Variants in DHX57 observed in about 807,000 individuals in gnomAD.
DHX57 encodes the protein putative ATP-dependent RNA helicase DHX57.
A neutral mutation model predicts 156.2 loss-of-function variants in DHX57; 105 were observed. That is an observed-to-expected ratio of 0.67 (90% confidence interval 0.57 to 0.79). DHX57 has a LOEUF of 0.79. Ranked by LOEUF, DHX57 falls within the 30% of genes least tolerant of loss-of-function variation. The pLI is 0.00. For missense variants in DHX57, 1,847 were observed against 1,661.9 expected, an observed-to-expected ratio of 1.11 and a Z score of -1.94; for synonymous variants, 704 against 595.6, an observed-to-expected ratio of 1.18 and a Z score of -2.65.
At chr2:38,872,038 C>A (rs1236099358) in intron 1 of DHX57, among the ~76,000 whole-genome samples, 2 of 152,126 alleles carry the variant, frequency 1.3e-5, no homozygotes, top group South Asian at 4.1e-4. Context: ...AACTAACCCA[C>A]TCCCATGCTA....
Position 38,806,578 on chromosome 2 carries a change from G to C in DHX57, c.3797C>G (p.Pro1266Arg). ...TKNDGYVHIH[P>R]SSVNYQVRHF... ...TCTGACCTGATAGTTCACTGATGAA[G>C]GGTGAATGTGTACATATCCATCGTT... Residue 1266 changes from proline (P) to arginine (R), a missense_variant, in exon 22 of 24, where the codon CCT (proline) becomes CGT (arginine). Transcript: ENST00000457308. 6.2e-7 allele frequency: 1 copy of C among 1,614,084 alleles called. No homozygotes were observed.
chr2:38,844,043 TA>T, intron 11 of DHX57, among the ~76,000 whole-genome samples: 1 of 152,096 alleles, frequency 6.6e-6, no homozygotes, highest in Non-Finnish European at 1.5e-5. Context: ...TGTAGCTTTT[TA>T]AAAAAAAGAT....
At chr2:38,822,766 G>C (rs940604526) in intron 17 of DHX57, among the ~76,000 whole-genome samples, 2 of 152,012 alleles carry the variant, frequency 1.3e-5, no homozygotes, top group African/African-American at 4.8e-5. Flanking sequence ...TTGAGGATTG[G>C]ATGACATTGC....
At chr2:38,805,088 G>A (rs1669877688) in intron 22 of DHX57, among the ~76,000 whole-genome samples, 1 of 152,148 alleles carries the variant, frequency 6.6e-6, no homozygotes, top group South Asian at 2.1e-4. Flanking sequence ...ATACATGAAC[G>A]ATTTGGATTC....
Position 38,802,882 on chromosome 2 carries a change from G to C in DHX57, c.3850C>G (p.His1284Asp). ...ACTCGACTAGTTTTTATCTTCTCGT[G>C]GTACAACAGGTAGGGGCTGTCAAAG... Reference protein sequence around the residue: ...RHFDSPYLLYHEKIKTSRVFI... With the variant: ...RHFDSPYLLYDEKIKTSRVFI... Residue 1284 changes from histidine (H) to aspartate (D), a missense_variant, in exon 23 of 24, where the codon CAC (histidine) becomes GAC (aspartate). Coordinates refer to ENST00000457308, the MANE Select transcript of DHX57 (RefSeq NM_198963.3). 3 of 1,614,016 alleles carry C rather than the reference G, an allele frequency of 1.9e-6. No homozygotes were observed. Among genetic ancestry groups the C allele is most frequent in the Non-Finnish European group, 2.5e-6 (3 of 1,180,004 alleles).
Position 38,826,704 on chromosome 2 carries a change from A to G in DHX57, c.2640-15T>C. On this transcript the variant is annotated splice_polypyrimidine_tract_variant and intron_variant, in intron 14 of 23. Transcript: ENST00000457308. ...GAATAACACATCTGGAAGGAAATAA[A>G]AGCACATGAAGTATTCTAGCACCTA... is the stretch of plus-strand genomic sequence containing the variant. The G allele has an allele frequency of 6.2e-7, 1 of 1,612,470 alleles. No homozygotes were observed. Among genetic ancestry groups the G allele is most frequent in the African/African-American group, 1.3e-5 (1 of 74,992 alleles).
intron 8 of DHX57, 136 bp from the exon 9 acceptor site, chr2:38,854,314 T>G (rs1672766871): frequency 2.5e-6 from 2 of 799,246 alleles, no homozygotes; most frequent in African/African-American, 1.7e-5. Flanking sequence ...GAAACCATAC[T>G]AAACATAGTT....
chr2:38,867,479 C>A (rs1357138546), intron 2 of DHX57, among the ~76,000 whole-genome samples: 2 of 152,210 alleles, frequency 1.3e-5, no homozygotes, highest in Non-Finnish European at 2.9e-5. Flanking sequence ...GTAACACCAT[C>A]AGATGATGGC....
intron 6 of DHX57, among the ~76,000 whole-genome samples, chr2:38,857,899 C>T (rs1188369082): frequency 1.3e-5 from 2 of 152,102 alleles, no homozygotes; most frequent in Non-Finnish European, 1.5e-5. Context: ...TAAGGTAAAT[C>T]GCAGTATTTG....
rs775095459 is a variant in DHX57, at chr2:38,861,095, A to G, written c.1315T>C (p.Phe439Leu). 3 of 1,614,236 alleles carry G rather than the reference A, an allele frequency of 1.9e-6. No individual in the cohort carries two copies. The South Asian group carries it at 3.3e-5, about 18-fold the overall frequency. ...HHKYSDPPVN[F>L]LPVPSRTRIN... ...CTGGTCCTAGAGGGTACTGGCAGAA[A>G]GTTCACAGGAGGGTCACTATACTTG... Residue 439 changes from phenylalanine to leucine, a missense_variant, in exon 5 of 24, where the codon TTT (phenylalanine) becomes CTT (leucine). Coordinates refer to ENST00000457308, the MANE Select transcript of DHX57 (RefSeq NM_198963.3).
intron 19 of DHX57, among the ~76,000 whole-genome samples, chr2:38,816,441 C>T (rs1670552336): frequency 6.6e-6 from 1 of 152,132 alleles, no homozygotes; most frequent in South Asian, 2.1e-4. Flanking sequence ...CTCTCGAACT[C>T]CTGATCTCAG....
intron 5 of DHX57, among the ~76,000 whole-genome samples, chr2:38,860,170 C>G (rs1251743110): frequency 6.6e-6 from 1 of 151,992 alleles, no homozygotes; most frequent in African/African-American, 2.4e-5. Context: ...GCATAGCAGC[C>G]CATGTGCGAT....
At chr2:38,833,095 T>G (rs1671466318) in intron 13 of DHX57, among the ~76,000 whole-genome samples, 1 of 151,510 alleles carries the variant, frequency 6.6e-6, no homozygotes, top group Non-Finnish European at 1.5e-5. Flanking sequence ...TACTGAAGTA[T>G]GCAAAACTCC....
At position 38,861,784 on chromosome 2, in the gene DHX57, T is replaced by C. The variant is rs1158949250; in HGVS notation, c.626A>G (p.Asp209Gly). 2.5e-6 allele frequency: 4 copies of C among 1,613,730 alleles called. No individual in the cohort carries two copies. The highest frequency in any genetic ancestry group is 1.3e-5 in the African/African-American group (1 of 74,902). Residue 209 changes from aspartate (D) to glycine (G), a missense_variant, in exon 5 of 24, where the codon GAT becomes GGT. Transcript: ENST00000457308. Reference sequence around the variant, plus strand: ...GAGATGCTCTAGTGATGCTCCCACATCTCCATCACACATCCTCAGGACCGC... The same window carrying C: ...GAGATGCTCTAGTGATGCTCCCACACCTCCATCACACATCCTCAGGACCGC... ...CQAVLRMCDG[D>G]VGASLEHLLT...
intron 13 of DHX57, among the ~76,000 whole-genome samples, chr2:38,829,393 C>T (rs372754708): frequency 1.1e-4 from 17 of 151,954 alleles, no homozygotes; most frequent in East Asian, 3.9e-4. Flanking sequence ...TTGATTCTCC[C>T]GCCTCATCCT....
chr2:38,819,086 G>C lies in DHX57; in HGVS notation c.3350C>G (p.Ala1117Gly). The C allele has an allele frequency of 6.2e-7, 1 of 1,614,178 alleles. No individual in the cohort carries two copies. The highest frequency in any genetic ancestry group is 8.5e-7 in the Non-Finnish European group (1 of 1,180,030). ...TAGAAGGGCCAGATAATCACTGTTT[G>C]CGAATGCAAATTCCAGCTTTTTCTG... ...ANQKKLEFAF[A>G]NSDYLALLQA... The change falls in exon 18 of 24, where the codon GCA becomes GGA. Residue 1117 changes from alanine to glycine, a missense_variant. Transcript: ENST00000457308.
intron 1 of DHX57, among the ~76,000 whole-genome samples, chr2:38,871,660 C>T (rs567553773): frequency 8.9e-4 from 135 of 151,046 alleles, no homozygotes; most frequent in Non-Finnish European, 1.7e-3. Context: ...GAAGTGGGCA[C>T]GATACAGAGA....
chr2:38,819,967 C>G (rs753542763), intron 17 of DHX57, among the ~76,000 whole-genome samples: 2 of 152,176 alleles, frequency 1.3e-5, no homozygotes, highest in Non-Finnish European at 2.9e-5. Context: ...TTTACACATA[C>G]CGATTCATTA....
chr2:38,837,350 C>T (rs2124857106), intron 13 of DHX57, among the ~76,000 whole-genome samples: 1 of 152,024 alleles, frequency 6.6e-6, no homozygotes, highest in African/African-American at 2.4e-5. Flanking sequence ...GTGGCTCACG[C>T]CAATAATCCC....
Sources: gnomAD v4.1 joint callset for allele counts (sites outside exome capture counted in the v4.1 genomes callset) on GRCh38, gnomAD v4.1.1 for gene constraint, MANE v1.5 for transcripts, NCBI Gene and HGNC (gene_info 2026-07-23, HGNC 2026-07-21) for gene names.